The following HTR1F variants were observed in gnomAD, a reference collection of about 807,000 sequenced individuals.
HTR1F encodes 5-hydroxytryptamine receptor 1F.
A neutral mutation model predicts 24.0 loss-of-function variants in HTR1F; 17 were observed. That is an observed-to-expected ratio of 0.71 (90% CI 0.48 to 1.06). The LOEUF is 1.06. Among genes scored for constraint, HTR1F ranks in the 50% least tolerant of loss-of-function variants. HTR1F has a pLI of 0.00. For missense variants in HTR1F, 391 were observed against 427.8 expected (o/e 0.91, Z 0.76); for synonymous variants, 186 against 156.8 (o/e 1.19, Z -1.39).
intron 2 of HTR1F, among the ~76,000 whole-genome samples, chr3:87,979,785 C>G (rs1705501179): frequency 6.6e-6 from 1 of 152,224 alleles, no homozygotes; most frequent in East Asian, 1.9e-4. Context: ...AGTTACTGCA[C>G]ATAGCCAGGC....
intron 2 of HTR1F, among the ~76,000 whole-genome samples, chr3:87,839,059 T>G (rs1395536282): frequency 1.3e-5 from 2 of 151,482 alleles, no homozygotes; most frequent in African/African-American, 4.8e-5. Flanking sequence ...CCTTTTAGTT[T>G]GATTTAATCT....
chr3:87,826,402 C>T (rs965708297), intron 2 of HTR1F, among the ~76,000 whole-genome samples: 1 of 152,170 alleles, frequency 6.6e-6, no homozygotes, highest in Non-Finnish European at 1.5e-5. Flanking sequence ...CTACTCTACC[C>T]TTGCATATTT....
intron 2 of HTR1F, among the ~76,000 whole-genome samples, chr3:87,925,966 A>T (rs943635884): frequency 5.3e-5 from 8 of 152,080 alleles, no homozygotes; most frequent in African/African-American, 1.9e-4. Context: ...TGTTTTTGTC[A>T]TTTCTTAGTG....
intron 2 of HTR1F, among the ~76,000 whole-genome samples, chr3:87,957,985 C>G (rs1704980304): frequency 6.6e-6 from 1 of 151,132 alleles, no homozygotes; most frequent in Non-Finnish European, 1.5e-5. Context: ...TAGGATAAAA[C>G]CATAGGTCAC....
At chr3:87,921,693 A>AT (rs1003414353) in intron 2 of HTR1F, among the ~76,000 whole-genome samples, 1 of 151,786 alleles carries the variant, frequency 6.6e-6, no homozygotes, top group African/African-American at 2.4e-5. Flanking sequence ...GTATTTTTTT[A>AT]TTTGTTAACC....
chr3:87,859,344 G>T (rs187147359), intron 2 of HTR1F, among the ~76,000 whole-genome samples: 1 of 152,272 alleles, frequency 6.6e-6, no homozygotes, highest in Admixed American at 6.5e-5. Context: ...CCTGACTCAG[G>T]GTTCTGGGGA....
chr3:87,919,569 A>C (rs1703966949), intron 2 of HTR1F, among the ~76,000 whole-genome samples: 1 of 151,946 alleles, frequency 6.6e-6, no homozygotes, highest in African/African-American at 2.4e-5. Context: ...GACATGAATA[A>C]ACAATTCTCA....
rs76350341 is a variant in HTR1F, at chr3:87,928,459, T to C, written c.-42-62249T>C. Among the ~76,000 whole-genome samples, 175 of 152,318 alleles carry C rather than the reference T, an allele frequency of 1.1e-3. 2 individuals are homozygous for C. In the East Asian group the frequency reaches 0.028, roughly 24 times the overall value. ...AGTATAGGTGATTTTGTATCACTTG[T>C]TCATATACTATTTTATATTTTTTAT... is the stretch of plus-strand genomic sequence containing the variant. On this transcript the variant is annotated intron_variant, in intron 2 of 2. Transcript: ENST00000319595.
In HTR1F at chr3:87,912,399, C is replaced by G. The variant is rs188077000; in HGVS notation, c.-42-78309C>G. 9.5e-4 allele frequency among the ~76,000 whole-genome samples: 144 copies of G among 151,956 alleles called. 1 individual carries two copies. Among genetic ancestry groups the G allele is most frequent in the African/African-American group, 3.2e-3 (131 of 41,472 alleles). On this transcript the variant is annotated intron_variant, in intron 2 of 2. Coordinates refer to ENST00000319595, the MANE Select transcript of HTR1F (RefSeq NM_001322209.2). ...GATTTCTACAAGTAGAACTACAAAG[C>G]ACTGCTCAAAGAAATCAGAGATGAT...
rs137997189 is a variant in HTR1F at position 87,969,263 on chromosome 3, T to C, written c.-42-21445T>C. Among the ~76,000 whole-genome samples the C allele has an allele frequency of 3.2e-3, 483 of 152,264 alleles. 3 individuals are homozygous for C. Among genetic ancestry groups the C allele is most frequent in the Middle Eastern group, 0.01 (3 of 294 alleles). ...CGCTATCCTCCAGACCCTGGAATGG[T>C]AGGTCCACTGACAGCTTGCGCCTGT... On this transcript the variant is annotated intron_variant, in intron 2 of 2. Transcript: ENST00000319595.
intron 2 of HTR1F, among the ~76,000 whole-genome samples, chr3:87,849,819 A>G (rs1705039754): frequency 6.6e-6 from 1 of 151,998 alleles, no homozygotes; most frequent in Non-Finnish European, 1.5e-5. Context: ...ACGCTTCTCA[A>G]AAGAGGACAT....
At chr3:87,909,464 G>A (rs933711206) in intron 2 of HTR1F, among the ~76,000 whole-genome samples, 1 of 151,856 alleles carries the variant, frequency 6.6e-6, no homozygotes, top group African/African-American at 2.4e-5. Context: ...TATAAAAGCA[G>A]AACAACTCAC....
intron 1 of HTR1F, among the ~76,000 whole-genome samples, chr3:87,815,574 G>A (rs1704235308): frequency 6.6e-6 from 1 of 151,996 alleles, no homozygotes; most frequent in African/African-American, 2.4e-5. Context: ...ATAGAAGAGG[G>A]AACTGATGAC....
At chr3:87,871,420 C>T (rs1156839804) in intron 2 of HTR1F, among the ~76,000 whole-genome samples, 1 of 151,850 alleles carries the variant, frequency 6.6e-6, no homozygotes, top group Admixed American at 6.6e-5. Context: ...GGGGTACTGT[C>T]AAGTGGGAAA....
At chr3:87,858,172 G>A (rs953861645) in intron 2 of HTR1F, among the ~76,000 whole-genome samples, 10 of 152,224 alleles carry the variant, frequency 6.6e-5, no homozygotes, top group Admixed American at 3.9e-4. Flanking sequence ...TTTATGGCTT[G>A]ATAAATACTC....
intron 1 of HTR1F, among the ~76,000 whole-genome samples, chr3:87,793,826 C>T (rs1703857118): frequency 6.6e-6 from 1 of 151,944 alleles, no homozygotes; most frequent in South Asian, 2.1e-4. Flanking sequence ...TCCCAGGCAC[C>T]TTGACGATCG....
At chr3:87,968,309 T>G (rs996395153) in intron 2 of HTR1F, among the ~76,000 whole-genome samples, 1 of 151,906 alleles carries the variant, frequency 6.6e-6, no homozygotes, top group Non-Finnish European at 1.5e-5. Context: ...AGCTCCCAGG[T>G]TCAAGCAATT....
chr3:87,858,566 A>C (rs1199882434), intron 2 of HTR1F, among the ~76,000 whole-genome samples: 1 of 152,110 alleles, frequency 6.6e-6, no homozygotes, highest in Non-Finnish European at 1.5e-5. Flanking sequence ...TGGGGGACTA[A>C]AGTACTATAT....
intron 2 of HTR1F, among the ~76,000 whole-genome samples, chr3:87,935,578 T>G (rs1408158901): frequency 6.6e-6 from 1 of 152,066 alleles, no homozygotes; most frequent in Admixed American, 6.5e-5. Context: ...AAATTGGAAA[T>G]CAACTACTTG....
Sources: gnomAD v4.1 joint callset for allele counts (sites outside exome capture counted in the v4.1 genomes callset) on GRCh38, gnomAD v4.1.1 for gene constraint, MANE v1.5 for transcripts, NCBI Gene and HGNC (gene_info 2026-07-23, HGNC 2026-07-21) for gene names.